The following SND1 variants were observed in gnomAD, a reference collection of about 807,000 sequenced individuals.
SND1 encodes the protein staphylococcal nuclease domain-containing protein 1.
SND1 carries 38 observed loss-of-function variants against 121.7 expected under a neutral mutation model. The ratio of observed to expected loss-of-function variants is 0.31; its 90% CI spans 0.24 to 0.41. The LOEUF (loss-of-function observed/expected upper bound fraction) is 0.41. Among genes scored for constraint, SND1 ranks in the 10% least tolerant of loss-of-function variants. SND1 has a pLI of 1.00. For missense variants in SND1, 868 were observed against 1,184.6 expected, an observed-to-expected ratio of 0.73 and a Z score of 3.92; for synonymous variants, 401 against 447.4, an observed-to-expected ratio of 0.90 and a Z score of 1.31.
chr7:127,800,713 T>G (rs1371631475), intron 10 of SND1, among the ~76,000 whole-genome samples: 3 of 152,226 alleles, frequency 2.0e-5, no homozygotes, highest in Non-Finnish European at 2.9e-5. Flanking sequence ...CTTCAGAGCC[T>G]TGTTTTTTTC....
In SND1 at chr7:127,661,972, C is replaced by T. The variant is rs1046464396; in HGVS notation, c.78+9521C>T. On this transcript the variant is annotated intron_variant, in intron 1 of 23. Transcript: ENST00000354725. ...CTCTACTAAAAATACAAAAATTAGC[C>T]GGGCATGGTGGTGCGTGCCTGTAAT... is the stretch of plus-strand genomic sequence containing the variant. Among the ~76,000 whole-genome samples, 6 of 142,114 alleles carry T rather than the reference C, an allele frequency of 4.2e-5. No individual in the cohort carries two copies. The East Asian group carries it at 1.2e-3, about 28-fold the overall frequency. The allele number at this position is 142,114 out of a possible 152,430, so 93.2% of individuals were successfully genotyped here.
chr7:127,805,793 A>G (rs1163036293), intron 10 of SND1, among the ~76,000 whole-genome samples: 1 of 152,238 alleles, frequency 6.6e-6, no homozygotes. Context: ...TGTCAGGTGC[A>G]TAATAGGTGG....
intron 15 of SND1, among the ~76,000 whole-genome samples, chr7:127,984,920 G>T (rs1401557163): frequency 6.6e-6 from 1 of 152,154 alleles, no homozygotes; most frequent in Non-Finnish European, 1.5e-5. Flanking sequence ...TCTGCTTATT[G>T]CCTCCTTCCT....
At chr7:127,880,459 TTC>T (rs2116716258) in intron 12 of SND1, among the ~76,000 whole-genome samples, 1 of 152,278 alleles carries the variant, frequency 6.6e-6, no homozygotes, top group Non-Finnish European at 1.5e-5. Context: ...TTAATTATAT[TTC>T]ATTTCTTTCC....
At chr7:127,920,129 TTGTC>T (rs1285150075) in intron 14 of SND1, among the ~76,000 whole-genome samples, 5 of 152,324 alleles carry the variant, frequency 3.3e-5, no homozygotes, top group Non-Finnish European at 5.9e-5. Context: ...TGGAAGAAGT[TTGTC>T]TGTTGATTCA....
At chr7:127,977,118 C>T (rs1300064541) in intron 15 of SND1, among the ~76,000 whole-genome samples, 1 of 152,194 alleles carries the variant, frequency 6.6e-6, no homozygotes, top group Non-Finnish European at 1.5e-5. Context: ...GCGAACGCTT[C>T]CGGAGTCGGC....
At chr7:127,796,155 C>CTTATCTA (rs1054866568) in intron 10 of SND1, among the ~76,000 whole-genome samples, 7 of 151,990 alleles carry the variant, frequency 4.6e-5, no homozygotes, top group African/African-American at 1.7e-4. Flanking sequence ...GATTAATGGA[C>CTTATCTA]TTATCTAGTA....
chr7:127,879,414 C>G (rs1799750078), intron 12 of SND1, among the ~76,000 whole-genome samples: 1 of 152,118 alleles, frequency 6.6e-6, no homozygotes, highest in South Asian at 2.1e-4. Flanking sequence ...CCCACATCCT[C>G]CATATATATG....
chr7:127,748,473 G>A (rs1458444609), intron 10 of SND1, among the ~76,000 whole-genome samples: 3 of 152,160 alleles, frequency 2.0e-5, no homozygotes, highest in African/African-American at 7.2e-5. Flanking sequence ...TTAATCTGAT[G>A]TAATTTTAAA....
chr7:127,833,339 C>T (rs1163701132), intron 11 of SND1, among the ~76,000 whole-genome samples: 5 of 148,796 alleles, frequency 3.4e-5, no homozygotes, highest in South Asian at 2.1e-4. Flanking sequence ...GATGTTGGCT[C>T]GCCGCAACCT....
intron 16 of SND1, among the ~76,000 whole-genome samples, chr7:128,050,790 T>A (rs2117020104): frequency 6.6e-6 from 1 of 152,304 alleles, no homozygotes. Flanking sequence ...ATTCCATACT[T>A]ATTTGACAGA....
chr7:127,895,112 C>A (rs1276695649), intron 13 of SND1, among the ~76,000 whole-genome samples: 4 of 151,996 alleles, frequency 2.6e-5, no homozygotes, highest in Non-Finnish European at 5.9e-5. Context: ...TCCTGAAATT[C>A]ATCTTCTCTG....
intron 1 of SND1, among the ~76,000 whole-genome samples, chr7:127,654,620 T>C (rs1427282005): frequency 6.6e-6 from 1 of 152,248 alleles, no homozygotes; most frequent in East Asian, 1.9e-4. Flanking sequence ...TTATGGTAAA[T>C]GACTTCATTT....
chr7:127,762,432 G>A (rs1275360161), intron 10 of SND1, among the ~76,000 whole-genome samples: 5 of 152,134 alleles, frequency 3.3e-5, no homozygotes, highest in Non-Finnish European at 5.9e-5. Context: ...TACCCCCTAC[G>A]TCTCTCTGTC....
At chr7:127,900,483 G>T (rs762034816) in intron 13 of SND1, among the ~76,000 whole-genome samples, 5 of 152,190 alleles carry the variant, frequency 3.3e-5, no homozygotes, top group Admixed American at 6.5e-5. Flanking sequence ...TGAAATGTGT[G>T]CAGATTCTAA....
rs189276683 is a variant in SND1 at position 127,681,404 on chromosome 7, A to G, written c.79-5209A>G. Among the ~76,000 whole-genome samples, 285 of 152,342 alleles carry G rather than the reference A, an allele frequency of 1.9e-3. 3 individuals are homozygous for G. Among genetic ancestry groups the G allele is most frequent in the African/African-American group, 6.4e-3 (268 of 41,576 alleles). ...TAGACCCTTGTCAGATATATGAGAT[A>G]AGAGTCTAGTATTCAGAATTTGCAT... On this transcript the variant is annotated intron_variant, in intron 1 of 23. Transcript: ENST00000354725.
At chr7:127,792,336 G>A (rs1797925152) in intron 10 of SND1, among the ~76,000 whole-genome samples, 1 of 152,192 alleles carries the variant, frequency 6.6e-6, no homozygotes, top group African/African-American at 2.4e-5. Flanking sequence ...ATCAAGAGAG[G>A]TGGACTGCTG....
intron 15 of SND1, among the ~76,000 whole-genome samples, chr7:127,986,451 G>C (rs1013534913): frequency 6.6e-6 from 1 of 152,222 alleles, no homozygotes; most frequent in African/African-American, 2.4e-5. Context: ...TTTATAGACA[G>C]ATGAGGCCTG....
rs931678330 is a variant in SND1, at chr7:127,991,147, T to C, written c.1779+91T>C. ...CATGTCAGAGATCAGTCTGTTGTTTTTTCCACTGCTCAGCCTTGCACATCC... is the reference window on the plus strand; with the variant it reads ...CATGTCAGAGATCAGTCTGTTGTTTCTTCCACTGCTCAGCCTTGCACATCC... On this transcript the variant is annotated intron_variant, in intron 16 of 23. Coordinates refer to ENST00000354725, the MANE Select transcript of SND1 (RefSeq NM_014390.4). 111 of 824,908 alleles carry C rather than the reference T, an allele frequency of 1.3e-4. No individual in the cohort carries two copies. The Middle Eastern group carries it at 4.0e-3, about 29-fold the overall frequency. The allele number at this position is 824,908 out of a possible 1,614,324, so 51.1% of individuals were successfully genotyped here. A position where few individuals can be genotyped will look rare whatever the true frequency, so the allele number is the denominator to read the frequency against.
Sources: allele counts gnomAD v4.1 joint callset (sites outside exome capture counted in the v4.1 genomes callset), GRCh38; gene constraint gnomAD v4.1.1; transcripts MANE v1.5; gene names NCBI Gene and HGNC (gene_info 2026-07-23, HGNC 2026-07-21).